CDH26: variants seen among roughly 807,000 people sequenced by gnomAD.
CDH26 encodes the protein cadherin-like protein 26.
In CDH26, 83 loss-of-function variants were observed where a neutral mutation model predicts 90.3. The ratio of observed to expected loss-of-function variants is 0.92; its 90% CI spans 0.77 to 1.10. The LOEUF is 1.10. Ranked by LOEUF, CDH26 falls within the 50% of genes least tolerant of loss-of-function variation. CDH26 has a pLI of 0.00. For missense variants in CDH26, 1,013 were observed against 1,037.6 expected, an observed-to-expected ratio of 0.98 and a Z score of 0.33; for synonymous variants, 397 against 396.3, an observed-to-expected ratio of 1.00 and a Z score of -0.02.
At chr20:60,004,482 C>G (rs746423413) in intron 16 of CDH26, among the ~76,000 whole-genome samples, 1 of 152,090 alleles carries the variant, frequency 6.6e-6, no homozygotes. Flanking sequence ...TCTACCTACA[C>G]AGGCCAGGGC....
chr20:59,971,933 T>C, intron 3 of CDH26, 29 bp from the exon 4 acceptor site: 2 of 1,590,422 alleles, frequency 1.3e-6, no homozygotes, highest in South Asian at 1.1e-5. Context: ...ATCCTCCTTT[T>C]TTCTTCTTTC....
At chr20:59,967,977 TTCTTTC>T (rs2061193736) in intron 1 of CDH26, among the ~76,000 whole-genome samples, 1 of 123,944 alleles carries the variant, frequency 8.1e-6, no homozygotes, top group Non-Finnish European at 1.6e-5. Context: ...CTTTCTTTCT[TTCTTTC>T]TTTCTTTCTT....
chr20:59,979,414 G>T (rs2061366815), intron 4 of CDH26, among the ~76,000 whole-genome samples: 1 of 151,740 alleles, frequency 6.6e-6, no homozygotes, highest in South Asian at 2.1e-4. Flanking sequence ...GGTCAGAATG[G>T]CCTTGACCTC....
At chr20:60,004,492 C>T (rs148218491) in intron 16 of CDH26, among the ~76,000 whole-genome samples, 11 of 152,102 alleles carry the variant, frequency 7.2e-5, no homozygotes, top group African/African-American at 2.7e-4. Flanking sequence ...CAGGCCAGGG[C>T]GCCGTGGCTC....
chr20:60,015,903 G>A (rs1027109287), downstream of CDH26, among the ~76,000 whole-genome samples: 16 of 152,236 alleles, frequency 1.1e-4, no homozygotes, highest in South Asian at 2.1e-4. Flanking sequence ...ATGAATGTTC[G>A]TAGTCTTTTT....
chr20:59,979,931 T>C (rs1006029331), intron 4 of CDH26, among the ~76,000 whole-genome samples: 2 of 152,098 alleles, frequency 1.3e-5, no homozygotes, highest in African/African-American at 4.8e-5. Flanking sequence ...CCAGCCCACA[T>C]ATGGCTTTTA....
Position 59,983,063 on chromosome 20 carries a change from AT to A in CDH26, c.535del (p.Ser179LeufsTer10), listed in dbSNP as rs1387273359. 1 of 1,614,042 alleles carries A rather than the reference AT, an allele frequency of 6.2e-7. No individual in the cohort carries two copies. Among genetic ancestry groups the A allele is most frequent in the East Asian group, 2.2e-5 (1 of 44,878 alleles). On this transcript the variant is annotated frameshift_variant, in exon 5 of 18. Coordinates refer to ENST00000348616, the MANE Select transcript of CDH26 (RefSeq NM_177980.4). LOFTEE classifies it high-confidence loss of function. ...TTAACATCACTGTGCAAGAAAACCA[AT>A]CTGCAGGTGTGTGCGGCTGGGGGGC... ...EFNITVQENQ[S>X]AGQPIFQMLA...
chr20:59,989,755 TG>T (rs1470654876), intron 9 of CDH26, among the ~76,000 whole-genome samples: 1 of 152,200 alleles, frequency 6.6e-6, no homozygotes, highest in East Asian at 1.9e-4. Context: ...CTTTCCTTTG[TG>T]TTAGAATAAT....
chr20:60,006,650 C>G, intron 16 of CDH26, 63 bp from the exon 17 acceptor site: 1 of 1,211,908 alleles, frequency 8.3e-7, no homozygotes, highest in Admixed American at 1.7e-5. Flanking sequence ...CACTGACACA[C>G]AGGGGTTGGG....
intron 8 of CDH26, among the ~76,000 whole-genome samples, chr20:60,033,262 C>A (rs1009130298): frequency 6.6e-5 from 10 of 152,196 alleles, no homozygotes; most frequent in Admixed American, 5.2e-4. Context: ...TGCTATTACT[C>A]TTACCACCAT....
At chr20:60,031,697 G>A (rs1050993916) in intron 8 of CDH26, among the ~76,000 whole-genome samples, 1 of 152,218 alleles carries the variant, frequency 6.6e-6, no homozygotes, top group Non-Finnish European at 1.5e-5. Flanking sequence ...AGAGAGTTGG[G>A]GGGCCAAAGG....
At chr20:60,008,201 G>T (rs889653526) in intron 17 of CDH26, among the ~76,000 whole-genome samples, 2 of 152,202 alleles carry the variant, frequency 1.3e-5, no homozygotes, top group Non-Finnish European at 2.9e-5. Context: ...GTCTCTGTCA[G>T]GCCAGACTTA....
intron 1 of CDH26, among the ~76,000 whole-genome samples, chr20:59,964,427 A>G (rs868670270): frequency 9.2e-5 from 14 of 151,998 alleles, no homozygotes; most frequent in Non-Finnish European, 1.9e-4. Flanking sequence ...AGCATCTAGA[A>G]AGAACCCCCC....
At chr20:60,009,484 T>C (rs1479500724) in intron 17 of CDH26, among the ~76,000 whole-genome samples, 2 of 152,090 alleles carry the variant, frequency 1.3e-5, no homozygotes, top group Non-Finnish European at 2.9e-5. Flanking sequence ...CCAAGTGGAC[T>C]GTGTGGACAG....
chr20:59,994,442 AT>A lies in CDH26; in HGVS notation c.1620del (p.Asn540LysfsTer23). ...GACCCATTTACATTTGAATTGGACA[AT>A]ACCTGGGGAAATGCGGAGGACACAT... Reference protein sequence around the residue: ...FSDPFTFELDNTWGNAEDTWK... With the variant: ...FSDPFTFELDXTWGNAEDTWK... On this transcript the variant is annotated frameshift_variant, in exon 11 of 18. Transcript: ENST00000348616. LOFTEE classifies it high-confidence loss of function. 10 of 1,614,208 alleles carry A rather than the reference AT, an allele frequency of 6.2e-6. No individual in the cohort carries two copies. The highest frequency in any genetic ancestry group is 8.5e-6 in the Non-Finnish European group (10 of 1,180,034).
Position 59,995,720 on chromosome 20 carries a change from G to A in CDH26, c.1667-113G>A, listed in dbSNP as rs1028332293. ...GAGGACCCCTCCCTCTAACTCTGCA[G>A]TTGGCTTACTTTCATACAGAGCTTG... On this transcript the variant is annotated intron_variant, in intron 11 of 17. Coordinates refer to ENST00000348616, the MANE Select transcript of CDH26 (RefSeq NM_177980.4). 2.4e-5 allele frequency: 22 copies of A among 904,566 alleles called. 1 individual carries two copies. Among genetic ancestry groups the A allele is most frequent in the Non-Finnish European group, 3.3e-5 (19 of 567,334 alleles). 56.0% of individuals were successfully genotyped at this position (904,566 alleles called of 1,614,324 possible). A position where few individuals can be genotyped will look rare whatever the true frequency, so the allele number is the denominator to read the frequency against.
At chr20:59,975,388 G>A (rs2145977904) in intron 4 of CDH26, among the ~76,000 whole-genome samples, 1 of 152,274 alleles carries the variant, frequency 6.6e-6, no homozygotes, top group African/African-American at 2.4e-5. Flanking sequence ...AGCCAGGAGA[G>A]GCCCGGAAGA....
chr20:59,985,107 G>A lies in CDH26; in HGVS notation c.815G>A (p.Arg272Lys). The change falls in exon 7 of 18, where the codon AGG (arginine) becomes AAG (lysine). Residue 272 changes from arginine to lysine, a missense_variant. Coordinates refer to ENST00000348616, the MANE Select transcript of CDH26 (RefSeq NM_177980.4). ...GATGTGCAAGAAGGCAACAACCACA[G>A]GCCTGCATTTACCCAGGAGAACGTG... ...HVDVQEGNNHRPAFTQENYKV... is the reference protein window; with the variant it reads ...HVDVQEGNNHKPAFTQENYKV... 1 of 1,613,848 alleles carries A rather than the reference G, an allele frequency of 6.2e-7. No individual in the cohort carries two copies. The highest frequency in any genetic ancestry group is 1.1e-5 in the South Asian group (1 of 91,046).
At chr20:60,028,272 C>T (rs2062014290) in intron 7 of CDH26, among the ~76,000 whole-genome samples, 1 of 152,212 alleles carries the variant, frequency 6.6e-6, no homozygotes, top group Admixed American at 6.5e-5. Flanking sequence ...AATGTTTTCA[C>T]TTATGTAATG....
Sources: gnomAD v4.1 joint callset for allele counts (sites outside exome capture counted in the v4.1 genomes callset) on GRCh38, gnomAD v4.1.1 for gene constraint, MANE v1.5 for transcripts, NCBI Gene and HGNC (gene_info 2026-07-23, HGNC 2026-07-21) for gene names.